Variants in SLC24A4 observed in about 807,000 individuals in gnomAD.
SLC24A4 encodes solute carrier family 24 member 4, also known as sodium/potassium/calcium exchanger 4.
In SLC24A4, 53 loss-of-function variants were observed where a neutral mutation model predicts 79.0. The observed-to-expected ratio is 0.67, with a 90% CI of 0.54 to 0.84. The LOEUF (loss-of-function observed/expected upper bound fraction) is 0.84, where lower values mean the gene tolerates loss of function less well. Ranked by LOEUF, SLC24A4 falls within the 40% of genes least tolerant of loss-of-function variation. The pLI, the probability that SLC24A4 is intolerant of heterozygous loss-of-function variation, is 0.00. For missense variants in SLC24A4, 731 were observed against 822.0 expected, an observed-to-expected ratio of 0.89 and a Z score of 1.35; for synonymous variants, 323 against 323.8, an observed-to-expected ratio of 1.00 and a Z score of 0.03.
At chr14:92,370,542 A>T (rs1888093457) in intron 2 of SLC24A4, among the ~76,000 whole-genome samples, 1 of 152,174 alleles carries the variant, frequency 6.6e-6, no homozygotes, top group Non-Finnish European at 1.5e-5. Context: ...AACATTATTT[A>T]AAAATATGTA....
chr14:92,350,784 GC>G (rs1340956053), intron 2 of SLC24A4, among the ~76,000 whole-genome samples: 3 of 152,216 alleles, frequency 2.0e-5, no homozygotes, highest in African/African-American at 7.2e-5. Context: ...CTTGCCACCT[GC>G]AATGGACTGA....
chr14:92,463,336 C>G (rs984957953), intron 12 of SLC24A4, among the ~76,000 whole-genome samples: 2 of 152,286 alleles, frequency 1.3e-5, no homozygotes, highest in African/African-American at 4.8e-5. Context: ...CTGTCCTTTC[C>G]TCTTAGCGTC....
intron 12 of SLC24A4, among the ~76,000 whole-genome samples, chr14:92,476,586 G>A (rs923264476): frequency 2.0e-5 from 3 of 151,862 alleles, no homozygotes; most frequent in Admixed American, 6.6e-5. Context: ...CATAAAATTC[G>A]CCCTCATAAA....
chr14:92,420,487 A>C (rs1891218224), intron 2 of SLC24A4, among the ~76,000 whole-genome samples: 3 of 152,192 alleles, frequency 2.0e-5, no homozygotes, highest in African/African-American at 7.2e-5. Context: ...CAAAAAAAAA[A>C]AAATCTGTTG....
intron 2 of SLC24A4, among the ~76,000 whole-genome samples, chr14:92,392,423 C>T (rs967327603): frequency 6.6e-6 from 1 of 151,938 alleles, no homozygotes; most frequent in African/African-American, 2.4e-5. Flanking sequence ...TCACTTGCCT[C>T]GTGGAGGTCC....
At chr14:92,476,985 C>A (rs562022954) in intron 12 of SLC24A4, among the ~76,000 whole-genome samples, 1 of 152,214 alleles carries the variant, frequency 6.6e-6, no homozygotes, top group East Asian at 1.9e-4. Flanking sequence ...TCATTTTTTG[C>A]TATTATAAAT....
intron 10 of SLC24A4, chr14:92,452,428 G>A (rs184295840): frequency 8.6e-4 from 131 of 152,426 alleles, no homozygotes; most frequent in Middle Eastern, 3.4e-3. Flanking sequence ...CAGAGCCATC[G>A]AATCAGCCAG....
At chr14:92,374,814 A>G (rs892312374) in intron 2 of SLC24A4, among the ~76,000 whole-genome samples, 2 of 152,214 alleles carry the variant, frequency 1.3e-5, no homozygotes, top group Non-Finnish European at 2.9e-5. Context: ...CAATTTGCTC[A>G]CTTGACCTAT....
At chr14:92,476,758 A>G (rs1894787654) in intron 12 of SLC24A4, among the ~76,000 whole-genome samples, 2 of 152,182 alleles carry the variant, frequency 1.3e-5, no homozygotes, top group Non-Finnish European at 2.9e-5. Context: ...TTCCGTCTCT[A>G]TGAATTTCCT....
At chr14:92,444,745 C>T (rs1052822791) in intron 7 of SLC24A4, among the ~76,000 whole-genome samples, 1 of 152,034 alleles carries the variant, frequency 6.6e-6, no homozygotes, top group African/African-American at 2.4e-5. Context: ...ATTCCAACTA[C>T]TTGGGAGCCT....
At chr14:92,453,825 G>T in intron 10 of SLC24A4, 75 bp from the exon 11 acceptor site, 1 of 1,475,932 alleles carries the variant, frequency 6.8e-7, no homozygotes, top group Non-Finnish European at 9.0e-7. Context: ...ACAAGGTGAG[G>T]GGAAGTCAGT....
intron 2 of SLC24A4, among the ~76,000 whole-genome samples, chr14:92,333,196 C>T (rs962047904): frequency 7.2e-5 from 11 of 152,124 alleles, no homozygotes; most frequent in Admixed American, 2.0e-4. Flanking sequence ...CAGGTTCAAG[C>T]GATTTTCCTG....
intron 2 of SLC24A4, among the ~76,000 whole-genome samples, chr14:92,400,567 C>T (rs1566740721): frequency 6.6e-6 from 1 of 151,972 alleles, no homozygotes. Context: ...TTCTTTGGGG[C>T]ATGCAGGACT....
chr14:92,493,885 C>A lies in SLC24A4; in HGVS notation c.*257C>A. 1 of 506,342 alleles carries A rather than the reference C, an allele frequency of 2.0e-6. No individual in the cohort carries two copies. The highest frequency in any genetic ancestry group is 3.5e-6 in the Non-Finnish European group (1 of 282,590). 31.4% of individuals were successfully genotyped at this position (506,342 alleles called of 1,614,324 possible). A position where few individuals can be genotyped will look rare whatever the true frequency, so the allele number is the denominator to read the frequency against. ...CTGAGCAGCTTCAAAGACCCCTGAGCTGCCAACCACGGAGATGTGCCAAGC... is the reference window on the plus strand; with the variant it reads ...CTGAGCAGCTTCAAAGACCCCTGAGATGCCAACCACGGAGATGTGCCAAGC... On this transcript the variant is annotated 3_prime_UTR_variant, in exon 17 of 17. Transcript: ENST00000532405.
chr14:92,476,511 C>T (rs990162158), intron 12 of SLC24A4, among the ~76,000 whole-genome samples: 6 of 151,896 alleles, frequency 4.0e-5, no homozygotes, highest in South Asian at 2.1e-4. Flanking sequence ...ACAAATATTA[C>T]AGAGCAAACA....
chr14:92,427,412 C>T (rs907986639), intron 2 of SLC24A4, among the ~76,000 whole-genome samples: 14 of 152,238 alleles, frequency 9.2e-5, no homozygotes, highest in African/African-American at 3.4e-4. Context: ...AGGGCCAGAC[C>T]GTGCAGGGCC....
At chr14:92,385,270 G>T (rs1889085917) in intron 2 of SLC24A4, among the ~76,000 whole-genome samples, 1 of 152,178 alleles carries the variant, frequency 6.6e-6, no homozygotes, top group Non-Finnish European at 1.5e-5. Flanking sequence ...ACTTCGGGAG[G>T]CTGAGGTGGG....
At chr14:92,377,805 A>G (rs1224402860) in intron 2 of SLC24A4, among the ~76,000 whole-genome samples, 3 of 152,184 alleles carry the variant, frequency 2.0e-5, no homozygotes. Context: ...GGATGGAGAA[A>G]GGGATAGATC....
Position 92,323,794 on chromosome 14 carries a change from C to G in SLC24A4, c.-37C>G, listed in dbSNP as rs1461010450. 1 of 1,537,718 alleles carries G rather than the reference C, an allele frequency of 6.5e-7. No individual in the cohort carries two copies. Among genetic ancestry groups the G allele is most frequent in the East Asian group, 2.4e-5 (1 of 41,646 alleles). Reference sequence around the variant, plus strand: ...ATTGCACTCTGGCCGCTGAAGCTCCCCATCCTCTCCCAGAGACGGCACCCA... The same window carrying G: ...ATTGCACTCTGGCCGCTGAAGCTCCGCATCCTCTCCCAGAGACGGCACCCA... On this transcript the variant is annotated 5_prime_UTR_variant, in exon 1 of 17. Coordinates refer to ENST00000532405, the MANE Select transcript of SLC24A4 (RefSeq NM_153646.4). The surrounding 1 kb of genome is among the most constrained non-coding windows in gnomAD (Gnocchi z 4.9).
Sources: gnomAD v4.1 joint callset for allele counts (sites outside exome capture counted in the v4.1 genomes callset) on GRCh38, gnomAD v4.1.1 for gene constraint, Gnocchi (gnomAD v3.1) non-coding constraint, MANE v1.5 for transcripts, NCBI Gene and HGNC (gene_info 2026-07-23, HGNC 2026-07-21) for gene names.